CFH: variants seen among roughly 807,000 people sequenced by gnomAD.
The protein encoded by CFH is complement factor H.
In CFH, 53 loss-of-function variants were observed where a neutral mutation model predicts 147.3. The ratio of observed to expected loss-of-function variants is 0.36; its 90% CI spans 0.29 to 0.45. CFH has a LOEUF of 0.45. Among genes scored for constraint, CFH ranks in the 20% least tolerant of loss-of-function variants. The pLI is 1.00. For synonymous variants in CFH, 536 were observed against 489.4 expected, an observed-to-expected ratio of 1.10 and a Z score of -1.26; for missense variants, 1,380 against 1,498.0, an observed-to-expected ratio of 0.92 and a Z score of 1.30.
At chr1:196,717,077 A>T (rs1232972567) in intron 11 of CFH, among the ~76,000 whole-genome samples, 3 of 152,084 alleles carry the variant, frequency 2.0e-5, no homozygotes, top group African/African-American at 7.2e-5. Context: ...ATGGGGAAAA[A>T]AGGAGGACCC....
rs367911875 is a variant in CFH, at chr1:196,737,035, A to G, written c.2596+29A>G. On this transcript the variant is annotated intron_variant, in intron 16 of 21. Coordinates refer to ENST00000367429, the MANE Select transcript of CFH (RefSeq NM_000186.4). ...AGTAGTGTATAATTTGTTTTACATA[A>G]TTCTTTCAAATGAGGTTAATATTCT... The G allele has an allele frequency of 5.8e-5, 91 of 1,564,982 alleles. No individual in the cohort carries two copies. In the African/African-American group the frequency reaches 1.2e-3, roughly 20 times the overall value.
chr1:196,735,843 A>G (rs975105683), intron 15 of CFH, among the ~76,000 whole-genome samples: 1 of 152,094 alleles, frequency 6.6e-6, no homozygotes, highest in Non-Finnish European at 1.5e-5. Flanking sequence ...ACTCGACATT[A>G]TCAATAACCT....
chr1:196,680,379 C>T (rs1667609170), intron 6 of CFH, among the ~76,000 whole-genome samples: 1 of 150,526 alleles, frequency 6.6e-6, no homozygotes, highest in Non-Finnish European at 1.5e-5. Context: ...AAGAGTTCAT[C>T]TCAACTGTGC....
chr1:196,692,807 T>TTTCC (rs1668104881), intron 9 of CFH, among the ~76,000 whole-genome samples: 1 of 82,688 alleles, frequency 1.2e-5, no homozygotes, highest in African/African-American at 4.7e-5. Flanking sequence ...TCTTTCTTTC[T>TTTCC]TTCTTTCTTT....
At chr1:196,728,658 T>A (rs1669206529) in intron 15 of CFH, 136 bp downstream of exon 15, 3 of 801,620 alleles carry the variant, frequency 3.7e-6, no homozygotes, top group Non-Finnish European at 6.2e-6. Context: ...TAGAAACTAA[T>A]GAAAACACTG....
intron 15 of CFH, among the ~76,000 whole-genome samples, chr1:196,735,865 T>G (rs1439066043): frequency 6.6e-6 from 1 of 152,064 alleles, no homozygotes; most frequent in African/African-American, 2.4e-5. Context: ...TAATGAAGTT[T>G]TGTTCATCCA....
At chr1:196,741,769 A>G in intron 18 of CFH, 106 bp from the exon 19 acceptor site, 1 of 990,288 alleles carries the variant, frequency 1.0e-6, no homozygotes, top group Non-Finnish European at 1.6e-6. Context: ...AATGTTGTAC[A>G]GTATTCATTG....
chr1:196,701,986 G>A (rs1045674316), intron 9 of CFH, among the ~76,000 whole-genome samples: 1 of 152,140 alleles, frequency 6.6e-6, no homozygotes, highest in African/African-American at 2.4e-5. Context: ...TAAGAAGGAA[G>A]AGGAATGAGA....
intron 9 of CFH, among the ~76,000 whole-genome samples, chr1:196,703,027 G>A (rs974424120): frequency 6.6e-6 from 1 of 152,218 alleles, no homozygotes; most frequent in African/African-American, 2.4e-5. Context: ...TTCAGAGAAA[G>A]TTACAAAACG....
chr1:196,722,592 C>T (rs1348742616), intron 11 of CFH, among the ~76,000 whole-genome samples: 1 of 152,100 alleles, frequency 6.6e-6, no homozygotes, highest in Non-Finnish European at 1.5e-5. Flanking sequence ...AATGCATCTT[C>T]CTGGTGTTAT....
chr1:196,678,960 A>C (rs1667552003), intron 5 of CFH: 1 of 152,312 alleles, frequency 6.6e-6, no homozygotes, highest in Admixed American at 6.6e-5. Flanking sequence ...TTTGGGAATC[A>C]ATGAAGGATT....
chr1:196,704,053 G>A (rs1404941866), intron 9 of CFH, among the ~76,000 whole-genome samples: 2 of 151,472 alleles, frequency 1.3e-5, no homozygotes, highest in East Asian at 3.9e-4. Context: ...CTTTGTTGGG[G>A]AAAGTCTTCC....
At chr1:196,746,463 A>AC (rs1558187211) in intron 21 of CFH, among the ~76,000 whole-genome samples, 1 of 152,212 alleles carries the variant, frequency 6.6e-6, no homozygotes, top group Admixed American at 6.5e-5. Context: ...TAAAAACAAC[A>AC]AAAAAAGTAA....
intron 6 of CFH, among the ~76,000 whole-genome samples, chr1:196,683,458 G>C (rs1359012328): frequency 6.6e-6 from 1 of 151,726 alleles, no homozygotes; most frequent in Non-Finnish European, 1.5e-5. Flanking sequence ...AGACGGGAAA[G>C]TGGAGACAGC....
chr1:196,717,136 A>C (rs1414132250), intron 11 of CFH, among the ~76,000 whole-genome samples: 1 of 152,098 alleles, frequency 6.6e-6, no homozygotes, highest in Non-Finnish European at 1.5e-5. Context: ...CATAAAAATA[A>C]GGAAATTATT....
intron 17 of CFH, among the ~76,000 whole-genome samples, chr1:196,738,486 T>C (rs1056296432): frequency 2.0e-5 from 3 of 152,200 alleles, no homozygotes; most frequent in African/African-American, 7.2e-5. Context: ...GGGTAAATGC[T>C]TCCATTCCAA....
intron 7 of CFH, among the ~76,000 whole-genome samples, chr1:196,688,846 A>T (rs1667919500): frequency 6.6e-6 from 1 of 152,024 alleles, no homozygotes; most frequent in Admixed American, 6.6e-5. Context: ...ACTCCTTACG[A>T]GTGATCTGCC....
chr1:196,655,579 T>C lies in CFH; in HGVS notation c.58+3404T>C, dbSNP rs145712271. Reference sequence around the variant, plus strand: ...TTTCTAAGATCTGAGCCAGTCTACATTGACCCACTTTTATTTGCTTAATCC... The same window carrying C: ...TTTCTAAGATCTGAGCCAGTCTACACTGACCCACTTTTATTTGCTTAATCC... On this transcript the variant is annotated intron_variant, in intron 1 of 21. Transcript: ENST00000367429. 2.7e-3 allele frequency among the ~76,000 whole-genome samples: 414 copies of C among 152,324 alleles called. 10 individuals are homozygous for C. Among genetic ancestry groups the C allele is most frequent in the East Asian group, 6.4e-3 (33 of 5,184 alleles).
At chr1:196,738,464 G>T (rs1558183710) in intron 17 of CFH, among the ~76,000 whole-genome samples, 1 of 152,198 alleles carries the variant, frequency 6.6e-6, no homozygotes, top group Non-Finnish European at 1.5e-5. Flanking sequence ...ACACAATGGG[G>T]GTACAGGGAT....
Sources: allele counts gnomAD v4.1 joint callset (sites outside exome capture counted in the v4.1 genomes callset), GRCh38; gene constraint gnomAD v4.1.1; transcripts MANE v1.5; gene names NCBI Gene and HGNC (gene_info 2026-07-23, HGNC 2026-07-21).